ZNF710: variants seen among roughly 807,000 people sequenced by gnomAD.
The protein encoded by ZNF710 is zinc finger protein 710.
ZNF710 carries 13 observed loss-of-function variants against 50.6 expected under a neutral mutation model. The observed-to-expected ratio is 0.26, with a 90% CI of 0.17 to 0.41. ZNF710 has a LOEUF of 0.41. Among genes scored for constraint, ZNF710 ranks in the 10% least tolerant of loss-of-function variants. ZNF710 has a pLI of 1.00. For synonymous variants in ZNF710, 383 were observed against 397.0 expected (o/e 0.96, Z 0.42); for missense variants, 721 against 936.6 (o/e 0.77, Z 3.01).
rs943314562 is a variant in ZNF710, at chr15:90,020,782, C to T, written c.-29+19168C>T. Among the ~76,000 whole-genome samples, 17 of 152,330 alleles carry T rather than the reference C, an allele frequency of 1.1e-4. No homozygotes were observed. In the East Asian group the frequency reaches 1.4e-3, roughly 12 times the overall value. The stretch of plus-strand genomic sequence containing the variant: ...CTGGGGATGAGATCTCTTATCTGCC[C>T]GGTCCTCCCTCTCCTCCCTGAATGG... On this transcript the variant is annotated intron_variant, in intron 1 of 4. Coordinates refer to ENST00000268154, the MANE Select transcript of ZNF710 (RefSeq NM_198526.4).
chr15:90,036,537 C>T (rs1899132423), intron 1 of ZNF710, among the ~76,000 whole-genome samples: 1 of 152,134 alleles, frequency 6.6e-6, no homozygotes, highest in South Asian at 2.1e-4. Flanking sequence ...ATTCATCACT[C>T]ACCACCTCCT....
At chr15:90,050,097 G>T (rs940701402) in intron 1 of ZNF710, among the ~76,000 whole-genome samples, 1 of 152,244 alleles carries the variant, frequency 6.6e-6, no homozygotes, top group African/African-American at 2.4e-5. Context: ...CAGCTGATAC[G>T]TTGCACCAGC....
chr15:90,010,967 G>A (rs1463646798), intron 1 of ZNF710, among the ~76,000 whole-genome samples: 1 of 113,072 alleles, frequency 8.8e-6, no homozygotes, highest in Non-Finnish European at 1.6e-5. Context: ...GTCTCACTCT[G>A]TTGCTCAGGC....
intron 2 of ZNF710, among the ~76,000 whole-genome samples, chr15:90,072,305 G>C (rs1183115462): frequency 6.6e-6 from 1 of 152,158 alleles, no homozygotes; most frequent in Non-Finnish European, 1.5e-5. Flanking sequence ...ATCATCTGGG[G>C]GCCCTGTTGA....
chr15:90,012,097 C>T (rs572961424), intron 1 of ZNF710, among the ~76,000 whole-genome samples: 8 of 151,518 alleles, frequency 5.3e-5, no homozygotes, highest in African/African-American at 1.5e-4. Flanking sequence ...CCCAGCTACT[C>T]GGGAGGCTGA....
chr15:90,027,589 T>C (rs1250575266), intron 1 of ZNF710, among the ~76,000 whole-genome samples: 1 of 152,100 alleles, frequency 6.6e-6, no homozygotes, highest in Non-Finnish European at 1.5e-5. Context: ...GCCTTGCTCA[T>C]GCCTGTAATA....
intron 1 of ZNF710, among the ~76,000 whole-genome samples, chr15:90,043,695 C>A (rs1034497154): frequency 6.6e-6 from 1 of 152,228 alleles, no homozygotes; most frequent in African/African-American, 2.4e-5. Context: ...CTGCTTCAGG[C>A]TGCTCCTTTT....
Position 90,067,681 on chromosome 15 carries a change from C to A in ZNF710, c.544C>A (p.Leu182Met). The change falls in exon 2 of 5, where the codon CTG becomes ATG. Residue 182 changes from leucine to methionine, a missense_variant. Leu to Met is a conservative substitution (Grantham distance 15). Transcript: ENST00000268154. The surrounding 1 kb of genome is among the most constrained non-coding windows in gnomAD (Gnocchi z 8.1). ...RHLPRTPRPE[L>M]NVAPYDPHFP... is the part of the protein sequence containing the mutation. ...TCTGCCCCGAACCCCGAGGCCGGAG[C>A]TGAACGTGGCCCCATATGACCCTCA... is the stretch of plus-strand genomic sequence containing the variant. 3 of 1,612,780 alleles carry A rather than the reference C, an allele frequency of 1.9e-6. No homozygotes were observed. The highest frequency in any genetic ancestry group is 1.7e-6 in the Non-Finnish European group (2 of 1,179,614).
intron 1 of ZNF710, among the ~76,000 whole-genome samples, chr15:90,031,455 G>T (rs1336491325): frequency 1.3e-5 from 2 of 152,170 alleles, no homozygotes; most frequent in African/African-American, 2.4e-5. Context: ...GAGAAGCAGC[G>T]CTCTCATTTG....
At chr15:90,047,312 G>A (rs1246787808) in intron 1 of ZNF710, among the ~76,000 whole-genome samples, 1 of 152,232 alleles carries the variant, frequency 6.6e-6, no homozygotes, top group Non-Finnish European at 1.5e-5. Flanking sequence ...AGCGTGCCAG[G>A]TTCTGCTTTC....
chr15:90,003,315 G>C (rs1288835668), intron 1 of ZNF710, among the ~76,000 whole-genome samples: 1 of 152,156 alleles, frequency 6.6e-6, no homozygotes, highest in African/African-American at 2.4e-5. Flanking sequence ...CTCCCGGCCG[G>C]TATCGACCTG....
intron 1 of ZNF710, among the ~76,000 whole-genome samples, chr15:90,003,954 A>T (rs1361219284): frequency 2.7e-5 from 4 of 150,894 alleles, no homozygotes. Context: ...TTCTTCCTCC[A>T]GCCTGGCCTG....
chr15:90,074,005 A>AAC (rs1900494482), intron 3 of ZNF710, 111 bp from the exon 4 acceptor site: 5 of 1,224,382 alleles, frequency 4.1e-6, no homozygotes, highest in South Asian at 1.7e-5. Flanking sequence ...AAAAACAAAA[A>AAC]AAAAAAACAA....
chr15:90,071,711 C>G (rs1158951751), intron 2 of ZNF710, among the ~76,000 whole-genome samples: 2 of 141,114 alleles, frequency 1.4e-5, no homozygotes, highest in African/African-American at 5.4e-5. Context: ...CGGAGGCTTA[C>G]TCTGTCACCC....
intron 4 of ZNF710, 108 bp from the exon 5 acceptor site, chr15:90,079,552 C>A: frequency 7.2e-7 from 1 of 1,384,878 alleles, no homozygotes; most frequent in Non-Finnish European, 9.9e-7. Flanking sequence ...TCCTGGAGGC[C>A]GTGACTGGGA....
At chr15:90,004,125 C>T (rs928094377) in intron 1 of ZNF710, among the ~76,000 whole-genome samples, 15 of 152,096 alleles carry the variant, frequency 9.9e-5, no homozygotes, top group African/African-American at 3.4e-4. Context: ...TCCAACCAGG[C>T]ATTTCCTACC....
At chr15:90,071,450 G>C (rs370792917) in intron 2 of ZNF710, among the ~76,000 whole-genome samples, 1 of 152,008 alleles carries the variant, frequency 6.6e-6, no homozygotes, top group East Asian at 1.9e-4. Flanking sequence ...ACACATCTGC[G>C]ATGTGTCAGG....
In ZNF710 at chr15:90,059,495, T is replaced by G. The variant is rs979200538; in HGVS notation, c.-28-7615T>G. On this transcript the variant is annotated intron_variant, in intron 1 of 4. Coordinates refer to ENST00000268154, the MANE Select transcript of ZNF710 (RefSeq NM_198526.4). The surrounding 1 kb of genome is among the most constrained non-coding windows in gnomAD (Gnocchi z 4.1). ...GTATGGTGCGCATCACGGGGGTTTG[T>G]GGGTTGGTGGCCCTGTGTCAGGGGC... is the stretch of plus-strand genomic sequence containing the variant. Among the ~76,000 whole-genome samples the G allele has an allele frequency of 6.6e-6, 1 of 152,168 alleles. No individual in the cohort carries two copies. The highest frequency in any genetic ancestry group is 3.4e-3 in the Middle Eastern group (1 of 294).
chr15:90,057,059 T>A (rs915114241), intron 1 of ZNF710, among the ~76,000 whole-genome samples: 1 of 152,006 alleles, frequency 6.6e-6, no homozygotes, highest in Non-Finnish European at 1.5e-5. Flanking sequence ...CCCCTTTGTG[T>A]TCTGGCCTCA....
Sources: gnomAD v4.1 joint callset for allele counts (sites outside exome capture counted in the v4.1 genomes callset) on GRCh38, gnomAD v4.1.1 for gene constraint, Gnocchi (gnomAD v3.1) non-coding constraint, MANE v1.5 for transcripts, NCBI Gene and HGNC (gene_info 2026-07-23, HGNC 2026-07-21) for gene names.